The following SOBP variants were observed in gnomAD, a reference collection of about 807,000 sequenced individuals.
SOBP encodes sine oculis-binding protein homolog.
SOBP carries 4 observed loss-of-function variants against 53.6 expected under a neutral mutation model. That is an observed-to-expected ratio of 0.07 (90% CI 0.04 to 0.17). The LOEUF is 0.17. Ranked by LOEUF, SOBP falls within the 10% of genes least tolerant of loss-of-function variation. The pLI is 1.00. For synonymous variants in SOBP, 584 were observed against 522.6 expected, an observed-to-expected ratio of 1.12 and a Z score of -1.60; for missense variants, 1,088 against 1,204.7, an observed-to-expected ratio of 0.90 and a Z score of 1.43.
chr6:107,492,699 G>A (rs1473555475), intron 1 of SOBP, among the ~76,000 whole-genome samples: 1 of 152,168 alleles, frequency 6.6e-6, no homozygotes, highest in Admixed American at 6.5e-5. Context: ...ATTAACCTTG[G>A]TGCACAGAAT....
intron 1 of SOBP, among the ~76,000 whole-genome samples, chr6:107,497,777 T>G (rs1404429169): frequency 6.6e-6 from 1 of 152,212 alleles, no homozygotes; most frequent in Non-Finnish European, 1.5e-5. Flanking sequence ...TTCCTATTGT[T>G]TGGCATTTAG....
intron 5 of SOBP, 106 bp from the exon 6 acceptor site, chr6:107,633,408 A>G: frequency 7.3e-7 from 1 of 1,360,594 alleles, no homozygotes; most frequent in Non-Finnish European, 1.1e-6. Context: ...CCTGTTTGAG[A>G]AGTGCTGGTA....
intron 4 of SOBP, among the ~76,000 whole-genome samples, chr6:107,544,899 T>C (rs538158476): frequency 1.3e-5 from 2 of 152,366 alleles, no homozygotes; most frequent in South Asian, 4.1e-4. Flanking sequence ...TTCGATCAGC[T>C]TCATGGACTA....
chr6:107,641,045 C>T (rs1771289512), intron 6 of SOBP, among the ~76,000 whole-genome samples: 1 of 152,176 alleles, frequency 6.6e-6, no homozygotes, highest in Non-Finnish European at 1.5e-5. Context: ...TGGGAGAAGA[C>T]GTCCATAGAT....
At chr6:107,568,104 C>T (rs1351653062) in intron 4 of SOBP, among the ~76,000 whole-genome samples, 1 of 152,034 alleles carries the variant, frequency 6.6e-6, no homozygotes, top group Non-Finnish European at 1.5e-5. Context: ...TCAGCTGTAC[C>T]AGTAACAATG....
chr6:107,544,622 G>C (rs1784243514), intron 4 of SOBP, among the ~76,000 whole-genome samples: 1 of 152,206 alleles, frequency 6.6e-6, no homozygotes, highest in African/African-American at 2.4e-5. Context: ...TAAGGAAAGA[G>C]AGAAGGAAGA....
At chr6:107,569,226 C>T (rs921638333) in intron 4 of SOBP, among the ~76,000 whole-genome samples, 3 of 152,116 alleles carry the variant, frequency 2.0e-5, no homozygotes, top group African/African-American at 7.2e-5. Flanking sequence ...GCAGTGGCAT[C>T]CCACTGCAGA....
intron 5 of SOBP, among the ~76,000 whole-genome samples, chr6:107,611,776 G>A (rs888711691): frequency 3.9e-5 from 6 of 152,164 alleles, no homozygotes; most frequent in African/African-American, 9.7e-5. Flanking sequence ...AAGCATGTAC[G>A]TGTAGAAATA....
intron 3 of SOBP, among the ~76,000 whole-genome samples, chr6:107,528,420 A>G (rs1783725949): frequency 6.6e-6 from 1 of 152,158 alleles, no homozygotes; most frequent in Non-Finnish European, 1.5e-5. Context: ...AAGGCTGACA[A>G]GAGTATTGCT....
At chr6:107,599,293 A>G (rs1242604190) in intron 5 of SOBP, among the ~76,000 whole-genome samples, 4 of 152,256 alleles carry the variant, frequency 2.6e-5, no homozygotes, top group African/African-American at 4.8e-5. Context: ...AGTGCTCAAT[A>G]AAGTGTAACT....
intron 4 of SOBP, among the ~76,000 whole-genome samples, chr6:107,574,252 GT>G (rs1325142047): frequency 1.3e-5 from 2 of 152,164 alleles, no homozygotes; most frequent in Non-Finnish European, 2.9e-5. Flanking sequence ...AACATTGCCT[GT>G]TTTTATTAAG....
intron 6 of SOBP, among the ~76,000 whole-genome samples, chr6:107,652,952 A>T (rs984771748): frequency 6.6e-6 from 1 of 152,194 alleles, no homozygotes; most frequent in Non-Finnish European, 1.5e-5. Context: ...ACAGTATAGT[A>T]TAAACATAAC....
At chr6:107,513,004 T>C (rs1412006607) in intron 3 of SOBP, among the ~76,000 whole-genome samples, 1 of 152,248 alleles carries the variant, frequency 6.6e-6, no homozygotes, top group Non-Finnish European at 1.5e-5. Flanking sequence ...TATGCATTTA[T>C]GTGGCAGTCT....
At position 107,595,483 on chromosome 6, in the gene SOBP, C is replaced by A. The variant is rs575030153; in HGVS notation, c.669+8308C>A. ...TTTGAGATTTCTGGCAATAAATTAGCATATGGGAGTCAGTCATATTCTCCT... is the reference window on the plus strand; with the variant it reads ...TTTGAGATTTCTGGCAATAAATTAGAATATGGGAGTCAGTCATATTCTCCT... On this transcript the variant is annotated intron_variant, in intron 5 of 6. Coordinates refer to ENST00000317357, the MANE Select transcript of SOBP (RefSeq NM_018013.4). Among the ~76,000 whole-genome samples the A allele has an allele frequency of 4.7e-5, 7 of 150,192 alleles. No homozygotes were observed. The South Asian group carries it at 1.5e-3, about 32-fold the overall frequency.
At chr6:107,496,225 C>T (rs560457950) in intron 1 of SOBP, among the ~76,000 whole-genome samples, 2 of 152,270 alleles carry the variant, frequency 1.3e-5, no homozygotes, top group East Asian at 3.9e-4. Flanking sequence ...TTTTTTAAGG[C>T]AGTTCTGCAG....
At chr6:107,623,330 A>G (rs1434983557) in intron 5 of SOBP, among the ~76,000 whole-genome samples, 1 of 152,224 alleles carries the variant, frequency 6.6e-6, no homozygotes, top group African/African-American at 2.4e-5. Flanking sequence ...CGCTATGTTC[A>G]TAGAAGGAAA....
At chr6:107,535,603 C>T (rs1322834966) in intron 4 of SOBP, among the ~76,000 whole-genome samples, 1 of 149,568 alleles carries the variant, frequency 6.7e-6, no homozygotes, top group Non-Finnish European at 1.5e-5. Flanking sequence ...CTCTGATGTG[C>T]TATGCCTTCT....
chr6:107,584,670 G>A (rs1005368530), intron 4 of SOBP, among the ~76,000 whole-genome samples: 2 of 152,062 alleles, frequency 1.3e-5, no homozygotes, highest in Admixed American at 6.5e-5. Flanking sequence ...CTCCACTTCC[G>A]AATCTCTTCA....
intron 5 of SOBP, among the ~76,000 whole-genome samples, chr6:107,632,378 C>CA (rs1203205003): frequency 6.6e-6 from 1 of 150,736 alleles, no homozygotes; most frequent in African/African-American, 2.4e-5. Flanking sequence ...AAAACTCTGT[C>CA]AAAAAAAAGT....
Sources: gnomAD v4.1 joint callset for allele counts (sites outside exome capture counted in the v4.1 genomes callset) on GRCh38, gnomAD v4.1.1 for gene constraint, MANE v1.5 for transcripts, NCBI Gene and HGNC (gene_info 2026-07-23, HGNC 2026-07-21) for gene names.